Variants in ZNF784 observed in about 807,000 individuals in gnomAD.
ZNF784 encodes the protein zinc finger protein 784.
A neutral mutation model predicts 3.3 loss-of-function variants in ZNF784; 5 were observed. That is an observed-to-expected ratio of 1.53 (90% confidence interval 0.80 to 3.22). The LOEUF is 3.22. ZNF784 is among the 30% of genes most tolerant of loss of function. The pLI is 0.00. For synonymous variants in ZNF784, 231 were observed against 219.6 expected, an observed-to-expected ratio of 1.05 and a Z score of -0.46; for missense variants, 501 against 480.7, an observed-to-expected ratio of 1.04 and a Z score of -0.39.
Position 55,622,409 on chromosome 19 carries a change from A to T in ZNF784, c.314T>A (p.Val105Glu), listed in dbSNP as rs1981601455. 4 of 1,575,646 alleles carry T rather than the reference A, an allele frequency of 2.5e-6. No individual in the cohort carries two copies. Among genetic ancestry groups the T allele is most frequent in the Non-Finnish European group, 1.7e-6 (2 of 1,162,106 alleles). The change falls in exon 2 of 2, where the codon GTG becomes GAG. Residue 105 changes from valine to glutamate, a missense_variant. By Grantham distance (121) the Val-to-Glu change is moderately radical (BLOSUM62 -2). Transcript: ENST00000325351. This position sits in a 1 kb window ranked among gnomAD's most constrained non-coding sequence, Gnocchi z 5.9. ...GGGGCCCGGGCAGCTGTGGCCGCAC[A>T]CGTGGCACCGGCTCGGGTCCCCACC... ...GQGGDPSRCH[V>E]CGHSCPGPAS... is the part of the protein sequence containing the mutation.
Position 55,622,013 on chromosome 19 carries a change from G to C in ZNF784, c.710C>G (p.Ser237Trp). Residue 237 changes from serine (S) to tryptophan (W), a missense_variant, in exon 2 of 2, where the codon TCG becomes TGG. Coordinates refer to ENST00000325351, the MANE Select transcript of ZNF784 (RefSeq NM_203374.2). The surrounding 1 kb of genome is among the most constrained non-coding windows in gnomAD (Gnocchi z 5.9). The stretch of plus-strand genomic sequence containing the variant: ...GATGCGGGCGTGGCCGCTAAGCACC[G>C]AGGACTGGGTGAAGCCCTTGCCGCA... ...GICGKGFTQS[S>W]VLSGHARIHT... The C allele has an allele frequency of 6.3e-7, 1 of 1,594,078 alleles. No homozygotes were observed. Among genetic ancestry groups the C allele is most frequent in the Non-Finnish European group, 8.5e-7 (1 of 1,178,064 alleles).
Position 55,622,015 on chromosome 19 carries a change from G to A in ZNF784, c.708C>T (p.Ser236=), listed in dbSNP as rs770166308. 1 of 1,594,214 alleles carries A rather than the reference G, an allele frequency of 6.3e-7. No individual in the cohort carries two copies. The highest frequency in any genetic ancestry group is 1.1e-5 in the South Asian group (1 of 90,196). ...TGCGGGCGTGGCCGCTAAGCACCGAGGACTGGGTGAAGCCCTTGCCGCAGA... is the reference window on the plus strand; with the variant it reads ...TGCGGGCGTGGCCGCTAAGCACCGAAGACTGGGTGAAGCCCTTGCCGCAGA... ...CGICGKGFTQ[S]SVLSGHARIH... is the part of the protein sequence containing the mutation. The change falls in exon 2 of 2, where the codon TCC becomes TCT. Residue 236 remains serine (S), a synonymous_variant. Transcript: ENST00000325351. The surrounding 1 kb of genome is among the most constrained non-coding windows in gnomAD (Gnocchi z 5.9).
chr19:55,624,308 A>G (rs988633682), intron 1 of ZNF784, 176 bp downstream of exon 1: 2 of 85,602 alleles, frequency 2.3e-5, no homozygotes, highest in African/African-American at 9.6e-5. Flanking sequence ...CCACCATGAC[A>G]TAGTCTCCTC....
rs527731981 is a variant in ZNF784, at chr19:55,623,613, T to A, written c.78+871A>T. Among the ~76,000 whole-genome samples, 3 of 152,326 alleles carry A rather than the reference T, an allele frequency of 2.0e-5. No homozygotes were observed. In the East Asian group the frequency reaches 5.8e-4, roughly 29 times the overall value. On this transcript the variant is annotated intron_variant, in intron 1 of 1. Coordinates refer to ENST00000325351, the MANE Select transcript of ZNF784 (RefSeq NM_203374.2). ...AATGACTTATCCCAAATCGTCACTA[T>A]AATATCTGTGGCGATGTAGCTCCAC...
In ZNF784 at chr19:55,622,653, G is replaced by A. The variant is rs1342473114; in HGVS notation, c.79-9C>T. ...TCATCAGGCACCAGGACCTGGGCAA[G>A]AGGAGAAGAAAGAGGAGCCTGTGGA... On this transcript the variant is annotated splice_polypyrimidine_tract_variant and intron_variant, in intron 1 of 1. Transcript: ENST00000325351. The surrounding 1 kb of genome is among the most constrained non-coding windows in gnomAD (Gnocchi z 5.9). 2 of 1,530,878 alleles carry A rather than the reference G, an allele frequency of 1.3e-6. No individual in the cohort carries two copies. The highest frequency in any genetic ancestry group is 1.4e-5 in the African/African-American group (1 of 71,874). 94.8% of individuals were successfully genotyped at this position (1,530,878 alleles called of 1,614,324 possible).
chr19:55,624,425 C>A (rs1981675544), intron 1 of ZNF784, 59 bp downstream of exon 1: 1 of 1,504,598 alleles, frequency 6.6e-7, no homozygotes. Context: ...GACCCGCCCC[C>A]CACACTACGA....
In ZNF784 at chr19:55,621,979, G is replaced by C; in HGVS notation, c.744C>G (p.Gly248=). The part of the protein sequence containing the change: ...VLSGHARIHT[G]ERPFRCTLCD... ...AGAGCGTGCAGCGGAACGGGCGCTC[G>C]CCAGTGTGGATGCGGGCGTGGCCGC... The change falls in exon 2 of 2, where the codon GGC becomes GGG. Residue 248 remains glycine (G), a synonymous_variant. Coordinates refer to ENST00000325351, the MANE Select transcript of ZNF784 (RefSeq NM_203374.2). The surrounding 1 kb of genome is among the most constrained non-coding windows in gnomAD (Gnocchi z 4.1). 28 of 1,594,846 alleles carry C rather than the reference G, an allele frequency of 1.8e-5. No homozygotes were observed. Among genetic ancestry groups the C allele is most frequent in the Non-Finnish European group, 2.3e-5 (27 of 1,177,838 alleles).
chr19:55,621,425 G>T lies in ZNF784; in HGVS notation c.*326C>A. On this transcript the variant is annotated 3_prime_UTR_variant, in exon 2 of 2. Coordinates refer to ENST00000325351, the MANE Select transcript of ZNF784 (RefSeq NM_203374.2). The surrounding 1 kb of genome is among the most constrained non-coding windows in gnomAD (Gnocchi z 4.1). ...GCTCTGTCGTGACAGGCTGGGTCTT[G>T]CACAAGGACAAGCCAACCAAGAGAC... 2.2e-6 allele frequency: 1 copy of T among 458,620 alleles called. No individual in the cohort carries two copies. Among genetic ancestry groups the T allele is most frequent in the South Asian group, 2.3e-5 (1 of 44,064 alleles). The allele number at this position is 458,620 out of a possible 1,614,324, so 28.4% of individuals were successfully genotyped here. A position where few individuals can be genotyped will look rare whatever the true frequency, so the allele number is the denominator to read the frequency against.
Position 55,621,181 on chromosome 19 carries a change from C to T in ZNF784, c.*570G>A, listed in dbSNP as rs1390164847. The T allele has an allele frequency of 6.1e-6, 1 of 163,594 alleles. No individual in the cohort carries two copies. Among genetic ancestry groups the T allele is most frequent in the African/African-American group, 2.4e-5 (1 of 41,496 alleles). The allele number at this position is 163,594 out of a possible 1,614,324, so 10.1% of individuals were successfully genotyped here. ...TGCTCTCAGCGGTGACTTGGGGACC[C>T]TCTGGCTTTGAGGTGATGGGATCCC... On this transcript the variant is annotated 3_prime_UTR_variant, in exon 2 of 2. Coordinates refer to ENST00000325351, the MANE Select transcript of ZNF784 (RefSeq NM_203374.2). The surrounding 1 kb of genome is among the most constrained non-coding windows in gnomAD (Gnocchi z 4.1).
intron 1 of ZNF784, 68 bp downstream of exon 1, chr19:55,624,411 CCCGGA>C: frequency 7.0e-7 from 1 of 1,429,414 alleles, no homozygotes; most frequent in Non-Finnish European, 9.5e-7. Flanking sequence ...TAGGCCACGC[CCCGGA>C]CCCGCCCCCC....
Position 55,622,426 on chromosome 19 carries a change from G to T in ZNF784, c.297C>A (p.Asp99Glu). The T allele has an allele frequency of 6.3e-7, 1 of 1,591,486 alleles. No individual in the cohort carries two copies. The highest frequency in any genetic ancestry group is 8.5e-7 in the Non-Finnish European group (1 of 1,169,864). ...AGAEGGGQGGDPSRCHVCGHS... is the reference protein window; with the variant it reads ...AGAEGGGQGGEPSRCHVCGHS... Reference sequence around the variant, plus strand: ...GGCCGCACACGTGGCACCGGCTCGGGTCCCCACCCTGCCCGCCTCCCTCGG... The same window carrying T: ...GGCCGCACACGTGGCACCGGCTCGGTTCCCCACCCTGCCCGCCTCCCTCGG... The change falls in exon 2 of 2, where the codon GAC becomes GAA. Residue 99 changes from aspartate (D) to glutamate (E), a missense_variant. Transcript: ENST00000325351. The surrounding 1 kb of genome is among the most constrained non-coding windows in gnomAD (Gnocchi z 5.9).
chr19:55,624,524 G>C lies in ZNF784; in HGVS notation c.38C>G (p.Ser13Ter). Residue 13 changes from serine (S) to a stop codon, truncating the protein, a stop_gained, in exon 1 of 2, where the codon TCA (serine) becomes TGA (stop). Transcript: ENST00000325351. LOFTEE classifies it low-confidence loss of function (END_TRUNC). ...AARPEAQSRSSPTPESRSQEP... is the reference protein window; with the variant it reads ...AARPEAQSRS ...CTGGGATCGCGACTCCGGAGTCGGT[G>C]AGCTCCGACTCTGGGCCTCTGGGCG... 1 of 1,603,798 alleles carries C rather than the reference G, an allele frequency of 6.2e-7. No individual in the cohort carries two copies.
chr19:55,624,401 T>A, intron 1 of ZNF784, 83 bp downstream of exon 1: 659 of 467,276 alleles, frequency 1.4e-3, no homozygotes, highest in Non-Finnish European at 2.4e-3. Flanking sequence ...CACCCCCTCA[T>A]AGGCCACGCC....
chr19:55,623,205 A>T (rs1981631837), intron 1 of ZNF784, among the ~76,000 whole-genome samples: 1 of 152,082 alleles, frequency 6.6e-6, no homozygotes, highest in African/African-American at 2.4e-5. Flanking sequence ...AATTATTATT[A>T]TTATTTTTAA....
Position 55,621,982 on chromosome 19 carries a change from A to T in ZNF784, c.741T>A (p.Thr247=), listed in dbSNP as rs779903844. The T allele has an allele frequency of 1.9e-6, 3 of 1,594,756 alleles. No homozygotes were observed. In the South Asian group the frequency reaches 3.3e-5, roughly 18 times the overall value. The change falls in exon 2 of 2, where the codon ACT becomes ACA. Residue 247 remains threonine (T), a synonymous_variant. Coordinates refer to ENST00000325351, the MANE Select transcript of ZNF784 (RefSeq NM_203374.2). This position sits in a 1 kb window ranked among gnomAD's most constrained non-coding sequence, Gnocchi z 4.1. The part of the protein sequence containing the change: ...SVLSGHARIH[T]GERPFRCTLC... ...GCGTGCAGCGGAACGGGCGCTCGCC[A>T]GTGTGGATGCGGGCGTGGCCGCTAA...
At position 55,621,843 on chromosome 19, in the gene ZNF784, C is replaced by A; in HGVS notation, c.880G>T (p.Ala294Ser). 1 of 1,583,564 alleles carries A rather than the reference C, an allele frequency of 6.3e-7. No homozygotes were observed. The stretch of plus-strand genomic sequence containing the variant: ...CCACACCCGCTCCCCGACCCCTCAG[C>A]CGCCGACGAGCCCAGCTGGCCTCCA... ...DSGGQLGSSA[A>S]EGSGSGCGVG... The change falls in exon 2 of 2, where the codon GCT (alanine) becomes TCT (serine). Residue 294 changes from alanine to serine, a missense_variant. Coordinates refer to ENST00000325351, the MANE Select transcript of ZNF784 (RefSeq NM_203374.2). This position sits in a 1 kb window ranked among gnomAD's most constrained non-coding sequence, Gnocchi z 4.1.
rs576654285 is a variant in ZNF784, at chr19:55,621,731, C to G, written c.*20G>C. On this transcript the variant is annotated 3_prime_UTR_variant, in exon 2 of 2. Transcript: ENST00000325351. This position sits in a 1 kb window ranked among gnomAD's most constrained non-coding sequence, Gnocchi z 4.1. ...GCCTCGTACCTCCGCCTTAACTAAC[C>G]CATGTCCCTGGTCTGCAGCCTACTG... The G allele has an allele frequency of 3.6e-5, 58 of 1,596,830 alleles. No homozygotes were observed. The South Asian group carries it at 5.2e-4, about 14-fold the overall frequency.
rs1981549689 is a variant in ZNF784 at position 55,621,532 on chromosome 19, C to T, written c.*219G>A. On this transcript the variant is annotated 3_prime_UTR_variant, in exon 2 of 2. Coordinates refer to ENST00000325351, the MANE Select transcript of ZNF784 (RefSeq NM_203374.2). This position sits in a 1 kb window ranked among gnomAD's most constrained non-coding sequence, Gnocchi z 4.1. ...GCTGCAAGAGCTGCACCTGTCCTCT[C>T]CTAGGCCTGGCAGAGGTGCTGTGTG... 1.5e-6 allele frequency: 1 copy of T among 660,792 alleles called. No individual in the cohort carries two copies. Among genetic ancestry groups the T allele is most frequent in the Non-Finnish European group, 2.5e-6 (1 of 392,500 alleles). The allele number at this position is 660,792 out of a possible 1,614,324, so 40.9% of individuals were successfully genotyped here.
Position 55,622,389 on chromosome 19 carries a change from C to T in ZNF784, c.334G>A (p.Gly112Ser). The T allele has an allele frequency of 6.4e-7, 1 of 1,552,104 alleles. No homozygotes were observed. The highest frequency in any genetic ancestry group is 8.7e-7 in the Non-Finnish European group (1 of 1,151,070). Residue 112 changes from glycine to serine, a missense_variant, in exon 2 of 2, where the codon GGC (glycine) becomes AGC (serine). By Grantham distance (56) the Gly-to-Ser change is moderately conservative. Coordinates refer to ENST00000325351, the MANE Select transcript of ZNF784 (RefSeq NM_203374.2). This position sits in a 1 kb window ranked among gnomAD's most constrained non-coding sequence, Gnocchi z 5.9. Reference sequence around the variant, plus strand: ...TAGTGCGCGCGCAGGCTGGCGGGGCCCGGGCAGCTGTGGCCGCACACGTGG... The same window carrying T: ...TAGTGCGCGCGCAGGCTGGCGGGGCTCGGGCAGCTGTGGCCGCACACGTGG... ...RCHVCGHSCP[G>S]PASLRAHYSL... is the part of the protein sequence containing the mutation.
Sources: gnomAD v4.1 joint callset for allele counts (sites outside exome capture counted in the v4.1 genomes callset) on GRCh38, gnomAD v4.1.1 for gene constraint, Gnocchi (gnomAD v3.1) non-coding constraint, MANE v1.5 for transcripts, NCBI Gene and HGNC (gene_info 2026-07-23, HGNC 2026-07-21) for gene names.